RBFOX3: variants seen among roughly 807,000 people sequenced by gnomAD.
RBFOX3 encodes the protein RNA binding protein fox-1 homolog 3.
RBFOX3 carries 17 observed loss-of-function variants against 48.7 expected under a neutral mutation model. That is an observed-to-expected ratio of 0.35 (90% CI 0.24 to 0.52). The LOEUF (loss-of-function observed/expected upper bound fraction) is 0.52. Ranked by LOEUF, RBFOX3 falls within the 20% of genes least tolerant of loss-of-function variation. The pLI is 0.94. For synonymous variants in RBFOX3, 212 were observed against 209.5 expected (o/e 1.01, Z -0.10); for missense variants, 382 against 497.5 (o/e 0.77, Z 2.21).
intron 4 of RBFOX3, among the ~76,000 whole-genome samples, chr17:79,193,572 A>C (rs909856920): frequency 1.3e-5 from 2 of 152,174 alleles, no homozygotes; most frequent in African/African-American, 4.8e-5. Context: ...TTATTGCTAC[A>C]CTTTCTAAGA....
rs1279673442 is a variant in RBFOX3, at chr17:79,421,015, T to A, written c.-175+61439A>T. ...CAGGGGCTTCCCTGCTGAGTGAGCC[T>A]CCCCTGGTGGGTTGAGGGGCTTCCC... On this transcript the variant is annotated intron_variant, in intron 2 of 14. Transcript: ENST00000693108. The surrounding 1 kb of genome is among the most constrained non-coding windows in gnomAD (Gnocchi z 4.5). Among the ~76,000 whole-genome samples the A allele has an allele frequency of 4.6e-5, 7 of 151,752 alleles. No individual in the cohort carries two copies. The highest frequency in any genetic ancestry group is 1.7e-4 in the African/African-American group (7 of 41,334).
chr17:79,157,811 G>A lies in RBFOX3; in HGVS notation c.-33-42063C>T, dbSNP rs115248681. ...CCAAGGACACCCCACTCCCTGGCTG[G>A]CCAGCCCCAGATGAACAATGAGTGC... On this transcript the variant is annotated intron_variant, in intron 4 of 14. Transcript: ENST00000693108. Among the ~76,000 whole-genome samples, 540 of 152,280 alleles carry A rather than the reference G, an allele frequency of 3.5e-3. 3 individuals carry two copies. Among genetic ancestry groups the A allele is most frequent in the African/African-American group, 0.012 (519 of 41,558 alleles).
At chr17:79,598,018 G>A (rs1252453196) in intron 1 of RBFOX3, 1 of 149,120 alleles carries the variant, frequency 6.7e-6, no homozygotes, top group Non-Finnish European at 1.5e-5. Flanking sequence ...AGAGCAGAGA[G>A]GAGCCTGATC....
At chr17:79,155,159 C>T (rs1451667427) in intron 4 of RBFOX3, among the ~76,000 whole-genome samples, 6 of 152,260 alleles carry the variant, frequency 3.9e-5, no homozygotes, top group Admixed American at 2.6e-4. Flanking sequence ...CAGCTAGTGC[C>T]GCGTCCCTCC....
intron 2 of RBFOX3, among the ~76,000 whole-genome samples, chr17:79,458,892 G>C (rs2074988623): frequency 6.6e-6 from 1 of 152,208 alleles, no homozygotes; most frequent in Non-Finnish European, 1.5e-5. Flanking sequence ...CCCGGGTACT[G>C]TTCCCTCTCT....
At chr17:79,196,092 A>G (rs1407332398) in intron 4 of RBFOX3, among the ~76,000 whole-genome samples, 1 of 152,164 alleles carries the variant, frequency 6.6e-6, no homozygotes, top group Non-Finnish European at 1.5e-5. Context: ...CGTTGGATGG[A>G]GAAGCTGAAA....
intron 4 of RBFOX3, among the ~76,000 whole-genome samples, chr17:79,183,935 C>T (rs1038667238): frequency 3.3e-5 from 5 of 152,230 alleles, no homozygotes; most frequent in African/African-American, 4.8e-5. Context: ...GCACTTGCTC[C>T]TGGCCTGGGG....
chr17:79,199,987 T>A lies in RBFOX3; in HGVS notation c.-34+35779A>T, dbSNP rs1407921595. 1.3e-5 allele frequency among the ~76,000 whole-genome samples: 2 copies of A among 151,910 alleles called. No homozygotes were observed. Among genetic ancestry groups the A allele is most frequent in the Non-Finnish European group, 2.9e-5 (2 of 67,964 alleles). On this transcript the variant is annotated intron_variant, in intron 4 of 14. Coordinates refer to ENST00000693108, the MANE Select transcript of RBFOX3 (RefSeq NM_001350451.2). This position sits in a 1 kb window ranked among gnomAD's most constrained non-coding sequence, Gnocchi z 5.1. ...ACCAGCCTGGCCAACATGGTGAAACTCCGTCTCTACCAAAAGTACAAAAAA... is the reference window on the plus strand; with the variant it reads ...ACCAGCCTGGCCAACATGGTGAAACACCGTCTCTACCAAAAGTACAAAAAA...
chr17:79,639,005 T>C, the RBFOX3 span, among the ~76,000 whole-genome samples: 1 of 152,124 alleles, frequency 6.6e-6, no homozygotes, highest in Non-Finnish European at 1.5e-5. Flanking sequence ...AGAAGGAGAC[T>C]GAATCAGTAA....
intron 2 of RBFOX3, among the ~76,000 whole-genome samples, chr17:79,449,753 C>T (rs1206219372): frequency 6.6e-6 from 1 of 152,020 alleles, no homozygotes; most frequent in African/African-American, 2.4e-5. Flanking sequence ...GGCGCACATA[C>T]ATGGATGCAA....
rs138543096 is a variant in RBFOX3 at position 79,122,511 on chromosome 17, T to A, written c.-33-6763A>T. On this transcript the variant is annotated intron_variant, in intron 4 of 14. Transcript: ENST00000693108. The stretch of plus-strand genomic sequence containing the variant: ...AAATCAAAACTACACTGAGATATCA[T>A]CTCACCCCAGTTAAAATGGCTTAAA... 2.4e-3 allele frequency among the ~76,000 whole-genome samples: 364 copies of A among 152,290 alleles called. 3 individuals carry two copies. The highest frequency in any genetic ancestry group is 8.2e-3 in the African/African-American group (339 of 41,552).
intron 4 of RBFOX3, among the ~76,000 whole-genome samples, chr17:79,117,672 C>T (rs1377736628): frequency 1.3e-5 from 2 of 152,188 alleles, no homozygotes; most frequent in African/African-American, 4.8e-5. Flanking sequence ...GTCCTGCCTC[C>T]CCCACCCCTA....
At position 79,253,011 on chromosome 17, in the gene RBFOX3, C is replaced by A. The variant is rs141674396; in HGVS notation, c.-73-17206G>T. 3.6e-3 allele frequency among the ~76,000 whole-genome samples: 549 copies of A among 152,298 alleles called. 1 individual carries two copies. The highest frequency in any genetic ancestry group is 0.012 in the African/African-American group (518 of 41,550). On this transcript the variant is annotated intron_variant, in intron 3 of 14. Coordinates refer to ENST00000693108, the MANE Select transcript of RBFOX3 (RefSeq NM_001350451.2). ...AGCAGCCTCTGCTTCCCAGATGGAG[C>A]CTCTGGCCCTGACCCTGCGGGGTGG...
chr17:79,636,142 T>G, the RBFOX3 span, among the ~76,000 whole-genome samples: 1 of 152,052 alleles, frequency 6.6e-6, no homozygotes, highest in East Asian at 1.9e-4. Context: ...AAATATACTA[T>G]AGGGTGAGGG....
At chr17:79,626,970 A>G in the RBFOX3 span, among the ~76,000 whole-genome samples, 3 of 152,258 alleles carry the variant, frequency 2.0e-5, no homozygotes, top group East Asian at 5.8e-4. Context: ...TTCTATCTCA[A>G]TTCAGCCTCG....
At chr17:79,135,205 T>G (rs992560841) in intron 4 of RBFOX3, 5 of 152,352 alleles carry the variant, frequency 3.3e-5, no homozygotes, top group African/African-American at 1.2e-4. Flanking sequence ...CCAGGGAGAC[T>G]GAGTCAGCGC....
intron 2 of RBFOX3, among the ~76,000 whole-genome samples, chr17:79,419,539 C>T (rs1431650416): frequency 1.3e-5 from 2 of 152,200 alleles, no homozygotes; most frequent in African/African-American, 4.8e-5. Context: ...CGCTCAGGCG[C>T]TCCGAGGTTC....
intron 2 of RBFOX3, among the ~76,000 whole-genome samples, chr17:79,425,860 AG>A (rs1555725156): frequency 2.0e-5 from 3 of 152,020 alleles, no homozygotes; most frequent in Non-Finnish European, 4.4e-5. Context: ...AGGAATGGTG[AG>A]GGCAGAGACC....
chr17:79,607,682 C>G (rs2145490022), intron 1 of RBFOX3, among the ~76,000 whole-genome samples: 1 of 152,336 alleles, frequency 6.6e-6, no homozygotes, highest in Admixed American at 6.5e-5. Context: ...AGCAAGGCAC[C>G]TCCAACTGCC....
Sources: allele counts gnomAD v4.1 joint callset (sites outside exome capture counted in the v4.1 genomes callset), GRCh38; gene constraint gnomAD v4.1.1; non-coding constraint Gnocchi (gnomAD v3.1); transcripts MANE v1.5; gene names NCBI Gene and HGNC (gene_info 2026-07-23, HGNC 2026-07-21).